The following GABRG3 variants were observed in gnomAD, a reference collection of about 807,000 sequenced individuals.
The protein encoded by GABRG3 is gamma-aminobutyric acid type A receptor subunit gamma3.
Under a neutral mutation model 48.8 loss-of-function variants are expected in GABRG3, and 25 were observed. That is an observed-to-expected ratio of 0.51 (90% CI 0.37 to 0.72). GABRG3 has a LOEUF of 0.72. GABRG3 is among the 30% of genes least tolerant of loss of function. GABRG3 has a pLI of 0.00. For missense variants in GABRG3, 394 were observed against 577.9 expected (o/e 0.68, Z 3.26); for synonymous variants, 227 against 217.6 (o/e 1.04, Z -0.38).
chr15:27,088,701 A>C (rs979973807), intron 3 of GABRG3, among the ~76,000 whole-genome samples: 5 of 152,068 alleles, frequency 3.3e-5, no homozygotes, highest in African/African-American at 9.7e-5. Context: ...AAACAACCAG[A>C]GCTCCTGAGA....
intron 3 of GABRG3, among the ~76,000 whole-genome samples, chr15:27,207,445 A>C (rs1281985555): frequency 6.6e-6 from 1 of 152,188 alleles, no homozygotes; most frequent in East Asian, 1.9e-4. Context: ...AAGCTCTATG[A>C]ATTTAGGAGA....
chr15:27,031,956 G>A (rs758037943), intron 3 of GABRG3, among the ~76,000 whole-genome samples: 11 of 152,044 alleles, frequency 7.2e-5, no homozygotes, highest in African/African-American at 1.9e-4. Context: ...TCTGTAGTTC[G>A]ATAACTTTCA....
intron 3 of GABRG3, among the ~76,000 whole-genome samples, chr15:27,290,584 A>T (rs1441945469): frequency 6.6e-6 from 1 of 152,074 alleles, no homozygotes; most frequent in Admixed American, 6.5e-5. Context: ...ACACCAATCT[A>T]ATCACTAGGG....
rs573314939 is a variant in GABRG3, at chr15:27,421,894, G to A, written c.575-58756G>A. On this transcript the variant is annotated intron_variant, in intron 5 of 9. Coordinates refer to ENST00000615808, the MANE Select transcript of GABRG3 (RefSeq NM_033223.5). ...AGTGGGCTGCATATCCACCAATACT[G>A]AGTGTTCTAAGATATCCATGGGAGT... 1.1e-4 allele frequency among the ~76,000 whole-genome samples: 17 copies of A among 151,812 alleles called. No individual in the cohort carries two copies. In the East Asian group the frequency reaches 2.2e-3, roughly 19 times the overall value.
At chr15:27,303,227 T>TAAA (rs879858277) in intron 3 of GABRG3, among the ~76,000 whole-genome samples, 2 of 141,874 alleles carry the variant, frequency 1.4e-5, no homozygotes, top group Non-Finnish European at 3.1e-5. Context: ...CTGACAAAGT[T>TAAA]AAAAAAAAAA....
At chr15:27,001,453 C>T (rs954765887) in intron 2 of GABRG3, among the ~76,000 whole-genome samples, 17 of 152,204 alleles carry the variant, frequency 1.1e-4, no homozygotes, top group African/African-American at 4.1e-4. Context: ...CAATGCCACT[C>T]CACACAATCA....
At chr15:27,088,555 G>C (rs937233527) in intron 3 of GABRG3, among the ~76,000 whole-genome samples, 9 of 152,132 alleles carry the variant, frequency 5.9e-5, no homozygotes, top group African/African-American at 9.7e-5. Context: ...GAAGAAAAGA[G>C]GTTTCATTGG....
chr15:27,067,769 A>G (rs1012212038), intron 3 of GABRG3, among the ~76,000 whole-genome samples: 7 of 152,074 alleles, frequency 4.6e-5, no homozygotes, highest in African/African-American at 1.2e-4. Flanking sequence ...CCTCCTCTTT[A>G]TTTTGTGAAC....
chr15:27,418,842 A>G, intron 5 of GABRG3: 1 of 131,526 alleles, frequency 7.6e-6, no homozygotes, highest in East Asian at 1.9e-4. Flanking sequence ...ATGCCTTTTT[A>G]AAAAAAATAA....
At chr15:27,058,844 TTAAC>T (rs1896597907) in intron 3 of GABRG3, among the ~76,000 whole-genome samples, 2 of 152,230 alleles carry the variant, frequency 1.3e-5, no homozygotes, top group Admixed American at 6.5e-5. Flanking sequence ...AAATTGCTTC[TTAAC>T]TATCTTTGTG....
intron 3 of GABRG3, among the ~76,000 whole-genome samples, chr15:27,113,766 A>G (rs1897594837): frequency 6.6e-6 from 1 of 152,196 alleles, no homozygotes; most frequent in Non-Finnish European, 1.5e-5. Flanking sequence ...AGATGACTGA[A>G]GTATGTTTAA....
At chr15:27,348,133 G>A (rs1437363014) in intron 5 of GABRG3, among the ~76,000 whole-genome samples, 1 of 101,402 alleles carries the variant, frequency 9.9e-6, no homozygotes, top group Non-Finnish European at 1.8e-5. Flanking sequence ...TCCAGCCTGG[G>A]TGACAGAGCG....
chr15:27,263,843 G>A lies in GABRG3; in HGVS notation c.271-62966G>A, dbSNP rs375950331. Among the ~76,000 whole-genome samples the A allele has an allele frequency of 5.9e-5, 9 of 151,746 alleles. No homozygotes were observed. The South Asian group carries it at 1.7e-3, about 28-fold the overall frequency. On this transcript the variant is annotated intron_variant, in intron 3 of 9. Transcript: ENST00000615808. ...CCGGAGGCTGAGGCAGGAGAATGGC[G>A]TGAACCTGGGAGGCGGAGCTTGTAG... is the stretch of plus-strand genomic sequence containing the variant.
Position 27,207,069 on chromosome 15 carries a change from T to G in GABRG3, c.271-119740T>G, listed in dbSNP as rs112747707. Among the ~76,000 whole-genome samples, 1,174 of 152,276 alleles carry G rather than the reference T, an allele frequency of 7.7e-3. 20 individuals carry two copies. Among genetic ancestry groups the G allele is most frequent in the African/African-American group, 0.027 (1,109 of 41,538 alleles). On this transcript the variant is annotated intron_variant, in intron 3 of 9. Transcript: ENST00000615808. ...TATGTTTAAGATTAATAACAGTATG[T>G]GCAGATTTGATCCTGTCATCATGTT...
chr15:26,971,714 G>C, intron 1 of GABRG3, 126 bp downstream of exon 1: 2 of 1,107,018 alleles, frequency 1.8e-6, no homozygotes, highest in Non-Finnish European at 2.4e-6. Context: ...GGGCCGGGAG[G>C]GGACTGGGAA....
intron 6 of GABRG3, among the ~76,000 whole-genome samples, chr15:27,519,460 T>C (rs1891106652): frequency 6.6e-6 from 1 of 152,150 alleles, no homozygotes; most frequent in Non-Finnish European, 1.5e-5. Context: ...TAAATATACA[T>C]ACATTAATTA....
intron 6 of GABRG3, among the ~76,000 whole-genome samples, chr15:27,482,725 T>C (rs1318730957): frequency 6.6e-6 from 1 of 152,232 alleles, no homozygotes; most frequent in Non-Finnish European, 1.5e-5. Flanking sequence ...GATATGATTG[T>C]GCCAAGTTTT....
intron 3 of GABRG3, among the ~76,000 whole-genome samples, chr15:27,038,266 T>C (rs1896213062): frequency 6.6e-6 from 1 of 152,190 alleles, no homozygotes; most frequent in Admixed American, 6.5e-5. Flanking sequence ...TGGTGAGGGC[T>C]GCTCTCTGCT....
chr15:27,115,781 G>GT (rs775107537), intron 3 of GABRG3, among the ~76,000 whole-genome samples: 42 of 152,244 alleles, frequency 2.8e-4, no homozygotes, highest in Middle Eastern at 6.8e-3. Context: ...TATGAACAGA[G>GT]TAAAACTTTC....
Sources: gnomAD v4.1 joint callset for allele counts (sites outside exome capture counted in the v4.1 genomes callset) on GRCh38, gnomAD v4.1.1 for gene constraint, MANE v1.5 for transcripts, NCBI Gene and HGNC (gene_info 2026-07-23, HGNC 2026-07-21) for gene names.